The following SLC43A2 variants were observed in gnomAD, a reference collection of about 807,000 sequenced individuals.
SLC43A2 encodes solute carrier family 43 member 2, also known as large neutral amino acids transporter small subunit 4.
Under a neutral mutation model 63.2 loss-of-function variants are expected in SLC43A2, and 38 were observed. The ratio of observed to expected loss-of-function variants is 0.60; its 90% CI spans 0.46 to 0.79. The LOEUF is 0.79. Ranked by LOEUF, SLC43A2 falls within the 30% of genes least tolerant of loss-of-function variation. SLC43A2 has a pLI of 0.00. For missense variants in SLC43A2, 644 were observed against 756.2 expected (o/e 0.85, Z 1.74); for synonymous variants, 322 against 331.0 (o/e 0.97, Z 0.30).
chr17:1,598,477 T>G (rs565828075), intron 5 of SLC43A2, among the ~76,000 whole-genome samples: 1 of 150,258 alleles, frequency 6.7e-6, no homozygotes. Flanking sequence ...GAAGGGCAAA[T>G]GGAAGCCCAG....
At chr17:1,585,699 C>G in intron 10 of SLC43A2, 1 of 1,499,534 alleles carries the variant, frequency 6.7e-7, no homozygotes, top group Non-Finnish European at 8.9e-7. Context: ...CAAACTTTAG[C>G]ATTTCCATTG....
At position 1,575,396 on chromosome 17, in the gene SLC43A2, C is replaced by A. The variant is rs1169691027; in HGVS notation, c.*208G>T. ...GCGGCAGAGCAAAGTCAGGGCAGCC[C>A]CTGCGTTCGGCAGGAGAAAACGCGC... On this transcript the variant is annotated 3_prime_UTR_variant, in exon 14 of 14. Transcript: ENST00000301335. 1 of 649,410 alleles carries A rather than the reference C, an allele frequency of 1.5e-6. No homozygotes were observed. The highest frequency in any genetic ancestry group is 2.6e-6 in the Non-Finnish European group (1 of 385,542). 40.2% of individuals were successfully genotyped at this position (649,410 alleles called of 1,614,324 possible). A position where few individuals can be genotyped will look rare whatever the true frequency, so the allele number is the denominator to read the frequency against.
chr17:1,625,068 G>A (rs1027625648), intron 2 of SLC43A2, among the ~76,000 whole-genome samples: 29 of 152,234 alleles, frequency 1.9e-4, no homozygotes, highest in African/African-American at 6.5e-4. Context: ...CGTGCTTCTC[G>A]GGCTGAGAAC....
chr17:1,575,537 G>T lies in SLC43A2; in HGVS notation c.*67C>A. On this transcript the variant is annotated 3_prime_UTR_variant, in exon 14 of 14. Transcript: ENST00000301335. ...GTCCTGGGGGTGCGTGGGGTACTCTGGAGGGGCAGGACAGGGGTCAGTCAC... is the reference window on the plus strand; with the variant it reads ...GTCCTGGGGGTGCGTGGGGTACTCTTGAGGGGCAGGACAGGGGTCAGTCAC... The T allele has an allele frequency of 6.2e-7, 1 of 1,602,148 alleles. No individual in the cohort carries two copies.
Position 1,593,467 on chromosome 17 carries a change from G to C in SLC43A2, c.502-188C>G, listed in dbSNP as rs1274021951. Among the ~76,000 whole-genome samples the C allele has an allele frequency of 6.6e-6, 1 of 152,160 alleles. No individual in the cohort carries two copies. The highest frequency in any genetic ancestry group is 1.5e-5 in the Non-Finnish European group (1 of 68,032). On this transcript the variant is annotated intron_variant, in intron 5 of 13. Transcript: ENST00000301335. This position sits in a 1 kb window ranked among gnomAD's most constrained non-coding sequence, Gnocchi z 5.3. Reference sequence around the variant, plus strand: ...GGTTTCTCCTTCATGGACTGAGGCTGATGGGGCCAAGGAGGGAGGTAATGC... The same window carrying C: ...GGTTTCTCCTTCATGGACTGAGGCTCATGGGGCCAAGGAGGGAGGTAATGC...
chr17:1,627,798 A>T lies in SLC43A2; in HGVS notation c.77T>A (p.Phe26Tyr). Residue 26 changes from phenylalanine to tyrosine, a missense_variant, in exon 2 of 14, where the codon TTC becomes TAC. Phe to Tyr is a conservative substitution (Grantham distance 22). Coordinates refer to ENST00000301335, the MANE Select transcript of SLC43A2 (RefSeq NM_152346.3). ...ACTAVLENLL[F>Y]SAVLLGWGSL... ...GCCCCAGCCCAGGAGGACTGCCGAG[A>T]AGAGGAGGTTCTCCAGCACGGCCGT... 1 of 1,598,246 alleles carries T rather than the reference A, an allele frequency of 6.3e-7. No individual in the cohort carries two copies. The highest frequency in any genetic ancestry group is 1.1e-5 in the South Asian group (1 of 88,456).
rs1483279720 is a variant in SLC43A2, at chr17:1,569,934, C to A, written c.*5670G>T. ...ACGGAGTCTTGCTCTGTCGCCCAGG[C>A]TGGAGTGCAGTGGCACAATCTCGGC... On this transcript the variant is annotated 3_prime_UTR_variant, in exon 14 of 14. Transcript: ENST00000301335. The A allele has an allele frequency of 2.2e-5, 3 of 135,830 alleles. No individual in the cohort carries two copies. The South Asian group carries it at 6.9e-4, about 31-fold the overall frequency. 8.4% of individuals were successfully genotyped at this position (135,830 alleles called of 1,614,324 possible).
rs1461093432 is a variant in SLC43A2 at position 1,572,496 on chromosome 17, G to A, written c.*3108C>T. The stretch of plus-strand genomic sequence containing the variant: ...TAGTATCTCTAGGCCTCGTTTTTCA[G>A]TTGTAAAGCAGGGATGATCATATGT... On this transcript the variant is annotated 3_prime_UTR_variant, in exon 14 of 14. Transcript: ENST00000301335. 1 of 152,222 alleles carries A rather than the reference G, an allele frequency of 6.6e-6. No individual in the cohort carries two copies. The highest frequency in any genetic ancestry group is 2.4e-5 in the African/African-American group (1 of 41,456). 9.4% of individuals were successfully genotyped at this position (152,222 alleles called of 1,614,324 possible).
chr17:1,626,741 C>T (rs1908699460), intron 2 of SLC43A2, among the ~76,000 whole-genome samples: 1 of 152,200 alleles, frequency 6.6e-6, no homozygotes, highest in Non-Finnish European at 1.5e-5. Context: ...ACCTGGGCTA[C>T]CTCCATCTAA....
chr17:1,609,445 G>T (rs530027913), intron 5 of SLC43A2, among the ~76,000 whole-genome samples: 12 of 152,110 alleles, frequency 7.9e-5, no homozygotes, highest in South Asian at 2.1e-4. Flanking sequence ...CAGGTGATCT[G>T]CCCGCCTCAG....
chr17:1,613,042 C>T (rs555919448), intron 5 of SLC43A2, among the ~76,000 whole-genome samples, 153 bp downstream of exon 5: 1 of 152,058 alleles, frequency 6.6e-6, no homozygotes, highest in Non-Finnish European at 1.5e-5. Context: ...TGAGGAGGCC[C>T]TGCCAGGCCA....
Position 1,594,800 on chromosome 17 carries a change from G to C in SLC43A2, c.502-1521C>G, listed in dbSNP as rs537198079. 2.3e-4 allele frequency among the ~76,000 whole-genome samples: 35 copies of C among 151,710 alleles called. 1 individual carries two copies. Among genetic ancestry groups the C allele is most frequent in the South Asian group, 2.1e-4 (1 of 4,798 alleles). The stretch of plus-strand genomic sequence containing the variant: ...AGACGGGGTTTCACCACGTTAGCCA[G>C]GATGGTCTGGATCTCCTGACCTCGT... On this transcript the variant is annotated intron_variant, in intron 5 of 13. Coordinates refer to ENST00000301335, the MANE Select transcript of SLC43A2 (RefSeq NM_152346.3).
intron 5 of SLC43A2, among the ~76,000 whole-genome samples, chr17:1,600,848 G>T (rs531604454): frequency 4.1e-4 from 62 of 151,098 alleles, no homozygotes; most frequent in Non-Finnish European, 6.6e-4. Context: ...GTGAACCATT[G>T]CGCCCAGACT....
In SLC43A2 at chr17:1,583,270, G is replaced by A. The variant is rs780032377; in HGVS notation, c.1284C>T (p.Phe428=). 1.7e-5 allele frequency: 28 copies of A among 1,614,052 alleles called. No homozygotes were observed. The highest frequency in any genetic ancestry group is 6.7e-5 in the East Asian group (3 of 44,898). ...IQKITNAMRA[F]AFTNLLLVGF... ...CCACGAGCAGCAGGTTGGTGAAGGC[G>A]AAGGCCCGCATGGCATTAGTGATCT... is the stretch of plus-strand genomic sequence containing the variant. Residue 428 remains phenylalanine (F), a synonymous_variant, in exon 11 of 14, where the codon TTC becomes TTT. Transcript: ENST00000301335. This position sits in a 1 kb window ranked among gnomAD's most constrained non-coding sequence, Gnocchi z 5.5.
intron 8 of SLC43A2, 99 bp from the exon 9 acceptor site, chr17:1,591,047 T>G (rs1328881303): frequency 7.2e-7 from 1 of 1,386,246 alleles, no homozygotes; most frequent in African/African-American, 1.4e-5. Context: ...GAGGGGGCCC[T>G]CGGGACGGGC....
At chr17:1,576,073 C>CTT (rs56013428) in intron 13 of SLC43A2, among the ~76,000 whole-genome samples, 182 of 81,512 alleles carry the variant, frequency 2.2e-3, no homozygotes, top group East Asian at 5.5e-3. Flanking sequence ...GAACTGTGTT[C>CTT]TTTTTTTTTT....
chr17:1,591,165 G>A (rs1394063580), intron 8 of SLC43A2, 104 bp downstream of exon 8: 1 of 1,443,150 alleles, frequency 6.9e-7, no homozygotes, highest in Non-Finnish European at 9.3e-7. Context: ...GCAGAACAGG[G>A]CGGGCGGGGC....
intron 9 of SLC43A2, among the ~76,000 whole-genome samples, chr17:1,588,826 C>G (rs753920205): frequency 6.6e-6 from 1 of 152,218 alleles, no homozygotes; most frequent in Non-Finnish European, 1.5e-5. Flanking sequence ...GCAGAGTCAC[C>G]GGTCAGCGGC....
rs534814852 is a variant in SLC43A2 at position 1,597,919 on chromosome 17, C to G, written c.502-4640G>C. Among the ~76,000 whole-genome samples the G allele has an allele frequency of 9.8e-5, 15 of 152,388 alleles. 1 individual carries two copies. In the South Asian group the frequency reaches 2.1e-3, roughly 21 times the overall value. ...ACGCCCAGGTGAGCAATCTTACTCT[C>G]TGGGTACCTGCCTCCCAGGTAGGTT... On this transcript the variant is annotated intron_variant, in intron 5 of 13. Transcript: ENST00000301335.
Sources: gnomAD v4.1 joint callset for allele counts (sites outside exome capture counted in the v4.1 genomes callset) on GRCh38, gnomAD v4.1.1 for gene constraint, Gnocchi (gnomAD v3.1) non-coding constraint, MANE v1.5 for transcripts, NCBI Gene and HGNC (gene_info 2026-07-23, HGNC 2026-07-21) for gene names.